Variants in PHACTR1 observed in about 807,000 individuals in gnomAD.
PHACTR1 encodes phosphatase and actin regulator 1.
In PHACTR1, 16 loss-of-function variants were observed where a neutral mutation model predicts 69.2. That is an observed-to-expected ratio of 0.23 (90% confidence interval 0.16 to 0.35). The LOEUF (loss-of-function observed/expected upper bound fraction) is 0.35. Ranked by LOEUF, PHACTR1 falls within the 10% of genes least tolerant of loss-of-function variation. The pLI, the probability that PHACTR1 is intolerant of heterozygous loss-of-function variation, is 1.00. For missense variants in PHACTR1, 510 were observed against 734.7 expected, an observed-to-expected ratio of 0.69 and a Z score of 3.54; for synonymous variants, 312 against 284.5, an observed-to-expected ratio of 1.10 and a Z score of -0.97.
intron 4 of PHACTR1, among the ~76,000 whole-genome samples, chr6:12,772,639 T>C (rs950172769): frequency 1.3e-5 from 2 of 152,194 alleles, no homozygotes; most frequent in Non-Finnish European, 2.9e-5. Flanking sequence ...GTTTTTGACT[T>C]TTTTTGTGAG....
intron 4 of PHACTR1, among the ~76,000 whole-genome samples, chr6:12,989,116 A>G (rs1297883443): frequency 6.6e-6 from 1 of 152,234 alleles, no homozygotes; most frequent in Non-Finnish European, 1.5e-5. Context: ...AATCCTATAC[A>G]TGGTAATTAG....
In PHACTR1 at chr6:12,934,851, A is replaced by C. The variant is rs77833717; in HGVS notation, c.251-118514A>C. Among the ~76,000 whole-genome samples, 863 of 151,648 alleles carry C rather than the reference A, an allele frequency of 5.7e-3. 11 individuals carry two copies. Among genetic ancestry groups the C allele is most frequent in the African/African-American group, 0.02 (819 of 41,358 alleles). Reference sequence around the variant, plus strand: ...ATCCTCTCTCAAAAAAAAAAACAAAAAAAAAAAACTTTAATGAGCACTTAC... The same window carrying C: ...ATCCTCTCTCAAAAAAAAAAACAAACAAAAAAAACTTTAATGAGCACTTAC... On this transcript the variant is annotated intron_variant, in intron 4 of 14. Transcript: ENST00000332995.
rs116197188 is a variant in PHACTR1 at position 12,731,815 on chromosome 6, G to A, written c.103+12968G>A. ...GTTATCTTGGCGACCATGGAAATACGAGCAAAGACATCCATGTACGGGCAT... is the reference window on the plus strand; with the variant it reads ...GTTATCTTGGCGACCATGGAAATACAAGCAAAGACATCCATGTACGGGCAT... On this transcript the variant is annotated intron_variant, in intron 3 of 14. Transcript: ENST00000332995. 4.8e-3 allele frequency among the ~76,000 whole-genome samples: 728 copies of A among 152,190 alleles called. 8 individuals are homozygous for A. Among genetic ancestry groups the A allele is most frequent in the African/African-American group, 0.016 (685 of 41,518 alleles).
At chr6:13,050,949 A>G (rs1805844590) in intron 4 of PHACTR1, among the ~76,000 whole-genome samples, 2 of 152,024 alleles carry the variant, frequency 1.3e-5, no homozygotes, top group South Asian at 4.2e-4. Flanking sequence ...TCCTTCTGTC[A>G]TGCCCCTGCT....
chr6:12,726,876 T>C (rs1282264323), intron 3 of PHACTR1, among the ~76,000 whole-genome samples: 1 of 152,200 alleles, frequency 6.6e-6, no homozygotes, highest in Non-Finnish European at 1.5e-5. Flanking sequence ...TCCTGTATTT[T>C]TGTTGGTTTG....
intron 5 of PHACTR1, among the ~76,000 whole-genome samples, chr6:13,145,941 T>C (rs948939335): frequency 2.6e-5 from 4 of 152,242 alleles, no homozygotes; most frequent in Non-Finnish European, 5.9e-5. Flanking sequence ...CTTTAGTTCT[T>C]CTGTATATAC....
chr6:12,969,690 A>G (rs1394262054), intron 4 of PHACTR1, among the ~76,000 whole-genome samples: 1 of 152,230 alleles, frequency 6.6e-6, no homozygotes, highest in Non-Finnish European at 1.5e-5. Context: ...GGACAGGTGC[A>G]GTGGCTCACG....
At chr6:13,201,443 C>T (rs1765220864) in intron 7 of PHACTR1, among the ~76,000 whole-genome samples, 1 of 152,130 alleles carries the variant, frequency 6.6e-6, no homozygotes, top group South Asian at 2.1e-4. Flanking sequence ...GTGGGAGACT[C>T]ATAGTAGAGT....
intron 4 of PHACTR1, among the ~76,000 whole-genome samples, chr6:12,936,828 C>A (rs1789502840): frequency 2.0e-5 from 3 of 152,124 alleles, no homozygotes; most frequent in Non-Finnish European, 4.4e-5. Flanking sequence ...TCTTGAGTAA[C>A]CCAAAACAGA....
At chr6:12,968,546 C>G (rs992348626) in intron 4 of PHACTR1, among the ~76,000 whole-genome samples, 2 of 152,154 alleles carry the variant, frequency 1.3e-5, no homozygotes, top group African/African-American at 4.8e-5. Flanking sequence ...TAAACAATAA[C>G]TTTTCATTCA....
intron 9 of PHACTR1, among the ~76,000 whole-genome samples, chr6:13,229,078 A>G (rs1477555884): frequency 1.3e-5 from 2 of 152,210 alleles, no homozygotes; most frequent in African/African-American, 2.4e-5. Flanking sequence ...AGAGACCTCA[A>G]TGATCCATGA....
intron 3 of PHACTR1, among the ~76,000 whole-genome samples, chr6:12,734,758 A>G (rs1274368645): frequency 1.3e-5 from 2 of 152,176 alleles, no homozygotes; most frequent in African/African-American, 2.4e-5. Flanking sequence ...CGGAGTTTAG[A>G]TATGTTAAGA....
At chr6:12,777,113 G>A (rs925826671) in intron 4 of PHACTR1, among the ~76,000 whole-genome samples, 2 of 152,058 alleles carry the variant, frequency 1.3e-5, no homozygotes, top group African/African-American at 4.8e-5. Context: ...AAATGATGAA[G>A]AATTGGGTAA....
chr6:13,045,590 A>G (rs1804893267), intron 4 of PHACTR1, among the ~76,000 whole-genome samples: 1 of 152,216 alleles, frequency 6.6e-6, no homozygotes. Context: ...ATCTTAGGGC[A>G]CCAGGATTTA....
At chr6:12,960,911 G>A (rs989962109) in intron 4 of PHACTR1, among the ~76,000 whole-genome samples, 5 of 152,114 alleles carry the variant, frequency 3.3e-5, no homozygotes, top group African/African-American at 1.2e-4. Flanking sequence ...TCCTAACATG[G>A]GGATTTAATG....
At chr6:13,156,017 C>A (rs1204585533) in intron 5 of PHACTR1, among the ~76,000 whole-genome samples, 1 of 152,116 alleles carries the variant, frequency 6.6e-6, no homozygotes, top group African/African-American at 2.4e-5. Flanking sequence ...GTTTTTAGAG[C>A]CTTTTTGTTT....
intron 10 of PHACTR1, chr6:13,272,553 G>A (rs1006203383): frequency 1.0e-5 from 6 of 585,372 alleles, no homozygotes; most frequent in Non-Finnish European, 1.7e-5. Context: ...GGACTTCTGT[G>A]AAGAAAAGAG....
intron 4 of PHACTR1, among the ~76,000 whole-genome samples, chr6:12,782,707 G>C (rs1770993168): frequency 6.6e-6 from 1 of 152,132 alleles, no homozygotes; most frequent in Non-Finnish European, 1.5e-5. Flanking sequence ...GCCAGCCATA[G>C]AATTAAAAAA....
At chr6:13,259,221 T>A (rs1775591191) in intron 10 of PHACTR1, among the ~76,000 whole-genome samples, 1 of 152,222 alleles carries the variant, frequency 6.6e-6, no homozygotes, top group South Asian at 2.1e-4. Flanking sequence ...TCTTTCAAAG[T>A]GGAATCATCC....
Sources: gnomAD v4.1 joint callset for allele counts (sites outside exome capture counted in the v4.1 genomes callset) on GRCh38, gnomAD v4.1.1 for gene constraint, MANE v1.5 for transcripts, NCBI Gene and HGNC (gene_info 2026-07-23, HGNC 2026-07-21) for gene names.